The following SSPN variants were observed in gnomAD, a reference collection of about 807,000 sequenced individuals.
SSPN encodes K-ras oncogene-associated protein.
Under a neutral mutation model 19.1 loss-of-function variants are expected in SSPN, and 15 were observed. That is an observed-to-expected ratio of 0.78 (90% confidence interval 0.52 to 1.21). The LOEUF (loss-of-function observed/expected upper bound fraction) is 1.21. Ranked by LOEUF, SSPN falls within the 50% of genes most tolerant of loss-of-function variation. The probability of loss-of-function intolerance (pLI) is 0.00; values close to 1 mark genes in which losing one functional copy is unlikely to be tolerated. For missense variants in SSPN, 291 were observed against 314.0 expected (o/e 0.93, Z 0.55); for synonymous variants, 147 against 140.3 (o/e 1.05, Z -0.34).
chr12:26,228,365 C>T (rs181448549), intron 2 of SSPN, among the ~76,000 whole-genome samples: 266 of 144,238 alleles, frequency 1.8e-3, no homozygotes, highest in Middle Eastern at 3.5e-3. Context: ...AGCCACTGCA[C>T]TCTGTCTCAA....
Position 26,233,294 on chromosome 12 carries a change from C to T in SSPN, c.*2218C>T, listed in dbSNP as rs983408313. The T allele has an allele frequency of 1.3e-4, 19 of 150,154 alleles. No homozygotes were observed. Among genetic ancestry groups the T allele is most frequent in the African/African-American group, 4.5e-4 (18 of 39,944 alleles). The allele number at this position is 150,154 out of a possible 1,614,324, so 9.3% of individuals were successfully genotyped here. On this transcript the variant is annotated 3_prime_UTR_variant, in exon 3 of 3. Transcript: ENST00000242729. The surrounding 1 kb of genome is among the most constrained non-coding windows in gnomAD (Gnocchi z 4.3). ...AAATAATGCAACTTGTAAGAGTTGACATTGTAATAAGCTTTATAATAGTAT... is the reference window on the plus strand; with the variant it reads ...AAATAATGCAACTTGTAAGAGTTGATATTGTAATAAGCTTTATAATAGTAT...
At chr12:26,172,790 T>C (rs1038707055) in intron 1 of SSPN, among the ~76,000 whole-genome samples, 2 of 150,870 alleles carry the variant, frequency 1.3e-5, no homozygotes, top group African/African-American at 4.9e-5. Flanking sequence ...TGAAACGGAG[T>C]CTTGCTCTGT....
At chr12:26,196,102 T>C in intron 1 of SSPN, 151 bp downstream of exon 1, 1 of 702,094 alleles carries the variant, frequency 1.4e-6, no homozygotes, top group South Asian at 2.6e-5. Flanking sequence ...CGTGGGGCAC[T>C]GGGTTTTCCC....
chr12:26,197,754 C>T (rs1944842883), intron 1 of SSPN, among the ~76,000 whole-genome samples: 1 of 152,234 alleles, frequency 6.6e-6, no homozygotes, highest in African/African-American at 2.4e-5. Flanking sequence ...ACAGCCAGGT[C>T]TCTGCTCTTT....
At chr12:26,179,770 G>A (rs895288569) in intron 1 of SSPN, among the ~76,000 whole-genome samples, 1 of 152,030 alleles carries the variant, frequency 6.6e-6, no homozygotes, top group Admixed American at 6.6e-5. Context: ...TTAGTTTCAG[G>A]CTACCTCTTG....
At chr12:26,152,654 A>G (rs1209721875) in intron 1 of SSPN, among the ~76,000 whole-genome samples, 2 of 152,204 alleles carry the variant, frequency 1.3e-5, no homozygotes, top group Admixed American at 1.3e-4. Context: ...GCTCACCTGT[A>G]TCCCTGCAAT....
At chr12:26,137,465 G>T (rs1944432202) in intron 1 of SSPN, among the ~76,000 whole-genome samples, 1 of 151,804 alleles carries the variant, frequency 6.6e-6, no homozygotes, top group Non-Finnish European at 1.5e-5. Context: ...GTTGGGAGAG[G>T]CAAAGTTTGG....
rs1555175654 is a variant in SSPN, at chr12:26,137,636, G to GTATGTATATATATATATATATA, written c.-31+15487_-31+15488insGTATATATATATATATATATAT. ...CATATATATGTGTGTGTGTGTGTAT[G>GTATGTATATATATATATATATA]TATATATATATATATATATATTTTT... On this transcript the variant is annotated intron_variant, in intron 1 of 2. Transcript: ENST00000538142. Among the ~76,000 whole-genome samples the GTATGTATATATATATATATATA allele has an allele frequency of 6.4e-4, 20 of 31,378 alleles. 1 individual carries two copies. The highest frequency in any genetic ancestry group is 2.1e-3 in the Admixed American group (3 of 1,456). 20.6% of individuals were successfully genotyped at this position (31,378 alleles called of 152,430 possible). A position where few individuals can be genotyped will look rare whatever the true frequency, so the allele number is the denominator to read the frequency against.
chr12:26,151,278 C>A (rs1365446549), intron 1 of SSPN, among the ~76,000 whole-genome samples: 1 of 152,084 alleles, frequency 6.6e-6, no homozygotes, highest in Non-Finnish European at 1.5e-5. Flanking sequence ...ATTGCTAAAT[C>A]CTTTTGGAGA....
In SSPN at chr12:26,195,719, C is replaced by G. The variant is rs1346140192; in HGVS notation, c.47C>G (p.Pro16Arg). ...CGCGGCCAGCAGAGGCAGGGGGGCC[C>G]GCCGGCCGCGGACGCCGCTGGGCCC... ...QPRGQQRQGG[P>R]PAADAAGPDD... Residue 16 changes from proline to arginine, a missense_variant, in exon 1 of 3, where the codon CCG becomes CGG. By Grantham distance (103) the Pro-to-Arg change is moderately radical. Around this residue, in one of 3 missense-constraint regions of SSPN, gnomAD observed 139 missense variants for 119.6 expected, o/e 1.16. Transcript: ENST00000242729. 2.5e-6 allele frequency: 3 copies of G among 1,215,710 alleles called. No individual in the cohort carries two copies. The highest frequency in any genetic ancestry group is 3.1e-6 in the Non-Finnish European group (3 of 961,510). The allele number at this position is 1,215,710 out of a possible 1,614,324, so 75.3% of individuals were successfully genotyped here. A position where few individuals can be genotyped will look rare whatever the true frequency, so the allele number is the denominator to read the frequency against.
intron 2 of SSPN, among the ~76,000 whole-genome samples, chr12:26,227,283 T>C (rs1051438839): frequency 6.6e-6 from 1 of 152,116 alleles, no homozygotes; most frequent in African/African-American, 2.4e-5. Flanking sequence ...CGAGTATATA[T>C]TTATGTCTTA....
At chr12:26,212,388 G>C (rs1944998044) in intron 1 of SSPN, among the ~76,000 whole-genome samples, 1 of 152,142 alleles carries the variant, frequency 6.6e-6, no homozygotes, top group African/African-American at 2.4e-5. Context: ...TTCTGTGATA[G>C]AATTTCTTGT....
At chr12:26,166,320 A>C (rs1944621068) in intron 1 of SSPN, among the ~76,000 whole-genome samples, 1 of 152,274 alleles carries the variant, frequency 6.6e-6, no homozygotes, top group South Asian at 2.1e-4. Context: ...CAGCAAGGGT[A>C]GTTCTTTTGC....
chr12:26,156,451 G>A (rs962359936), intron 1 of SSPN, among the ~76,000 whole-genome samples: 3 of 152,144 alleles, frequency 2.0e-5, no homozygotes, highest in Non-Finnish European at 4.4e-5. Flanking sequence ...AAATGAGAAA[G>A]GGAGGACCAC....
intron 1 of SSPN, among the ~76,000 whole-genome samples, chr12:26,169,182 G>C (rs1161786825): frequency 1.3e-5 from 2 of 151,784 alleles, no homozygotes; most frequent in African/African-American, 4.8e-5. Context: ...AATTGATTCT[G>C]TTTTCTACTA....
chr12:26,224,999 C>G (rs1247700153), intron 2 of SSPN, among the ~76,000 whole-genome samples: 1 of 152,192 alleles, frequency 6.6e-6, no homozygotes, highest in African/African-American at 2.4e-5. Flanking sequence ...GAAGCAAAGA[C>G]ACTACCTTTC....
rs766583720 is a variant in SSPN at position 26,233,355 on chromosome 12, T to TATATATATATAC, written c.*2280_*2281insTATATATATACA. Reference sequence around the variant, plus strand: ...AGATATATATATATATATATACACATACACACACACACACACATATATACT... The same window carrying TATATATATATAC: ...AGATATATATATATATATATACACATATATATATATACACACACACACACACACATATATACT... On this transcript the variant is annotated 3_prime_UTR_variant, in exon 3 of 3. Transcript: ENST00000242729. This position sits in a 1 kb window ranked among gnomAD's most constrained non-coding sequence, Gnocchi z 4.3. The TATATATATATAC allele has an allele frequency of 1.4e-5, 2 of 146,540 alleles. No homozygotes were observed. The highest frequency in any genetic ancestry group is 2.6e-5 in the African/African-American group (1 of 37,896). 9.1% of individuals were successfully genotyped at this position (146,540 alleles called of 1,614,324 possible).
intron 2 of SSPN, among the ~76,000 whole-genome samples, chr12:26,227,020 G>T (rs1012023498): frequency 1.3e-5 from 2 of 152,060 alleles, no homozygotes; most frequent in Admixed American, 6.5e-5. Context: ...GCGCAGCGCC[G>T]GGCTGATGGG....
At chr12:26,230,510 A>G (rs1357251009) in intron 2 of SSPN, among the ~76,000 whole-genome samples, 1 of 152,224 alleles carries the variant, frequency 6.6e-6, no homozygotes, top group African/African-American at 2.4e-5. Flanking sequence ...TGAAAATGTG[A>G]TCAGGGTTTA....
Sources: gnomAD v4.1 joint callset for allele counts (sites outside exome capture counted in the v4.1 genomes callset) on GRCh38, gnomAD v4.1.1 for gene constraint, gnomAD v4.1.1 regional missense constraint, Gnocchi (gnomAD v3.1) non-coding constraint, MANE v1.5 for transcripts, NCBI Gene and HGNC (gene_info 2026-07-23, HGNC 2026-07-21) for gene names.